Variants in ZDHHC15 observed in about 807,000 individuals in gnomAD.
ZDHHC15 encodes palmitoyltransferase ZDHHC15.
ZDHHC15 carries 19 observed loss-of-function variants against 31.7 expected under a neutral mutation model. The ratio of observed to expected loss-of-function variants is 0.60; its 90% confidence interval spans 0.42 to 0.88. ZDHHC15 has a LOEUF of 0.88. ZDHHC15 is among the 40% of genes least tolerant of loss of function. ZDHHC15 has a pLI of 0.00. For synonymous variants in ZDHHC15, 103 were observed against 90.0 expected (o/e 1.14, Z -0.82); for missense variants, 209 against 251.2 (o/e 0.83, Z 1.14).
At chrX:75,387,074 G>T (rs1346917253) in intron 10 of ZDHHC15, among the ~76,000 whole-genome samples, 5 of 111,383 alleles carry the variant, frequency 4.5e-5, no homozygotes, top group African/African-American at 1.6e-4. Flanking sequence ...TTGTTTACTA[G>T]ATCCTAGGAA....
chrX:75,459,293 TCAAG>T (rs2084275547), intron 3 of ZDHHC15, among the ~76,000 whole-genome samples: 1 of 109,700 alleles, frequency 9.1e-6, no homozygotes, highest in African/African-American at 3.3e-5. Flanking sequence ...ATCTAGGGAG[TCAAG>T]CAGTGTCATT....
Position 75,437,540 on chromosome X carries a change from G to A in ZDHHC15, c.380-6020C>T, listed in dbSNP as rs760322403. On this transcript the variant is annotated intron_variant, in intron 4 of 11. Coordinates refer to ENST00000373367, the MANE Select transcript of ZDHHC15 (RefSeq NM_144969.3). ...CTATGAGTGAGAATATGCGGTGTTTGGTTTTTTGTTCTTGCGATAGTTTAC... is the reference window on the plus strand; with the variant it reads ...CTATGAGTGAGAATATGCGGTGTTTAGTTTTTTGTTCTTGCGATAGTTTAC... 3.9e-3 allele frequency among the ~76,000 whole-genome samples: 370 copies of A among 94,228 alleles called. 2 individuals carry two copies. Among genetic ancestry groups the A allele is most frequent in the African/African-American group, 0.014 (358 of 25,465 alleles). 81.8% of individuals were successfully genotyped at this position (94,228 alleles called of 115,157 possible). A position where few individuals can be genotyped will look rare whatever the true frequency, so the allele number is the denominator to read the frequency against.
intron 8 of ZDHHC15, among the ~76,000 whole-genome samples, chrX:75,423,421 C>T (rs887092490): frequency 9.4e-6 from 1 of 106,609 alleles, no homozygotes; most frequent in African/African-American, 3.4e-5. Flanking sequence ...TCTTTAGCTC[C>T]CACTTATAAG....
At chrX:75,449,723 T>G (rs2084088911) in intron 4 of ZDHHC15, among the ~76,000 whole-genome samples, 1 of 112,331 alleles carries the variant, frequency 8.9e-6, no homozygotes, top group African/African-American at 3.2e-5. Flanking sequence ...AACAAATGAA[T>G]ATGTGTCTGA....
At chrX:75,471,206 C>T (rs1370855025) in intron 3 of ZDHHC15, among the ~76,000 whole-genome samples, 1 of 112,232 alleles carries the variant, frequency 8.9e-6, no homozygotes, top group East Asian at 2.8e-4. Flanking sequence ...AAGCAATTTG[C>T]CTTCAGCTGG....
At chrX:75,436,441 C>T (rs1205479746) in intron 4 of ZDHHC15, among the ~76,000 whole-genome samples, 2 of 111,609 alleles carry the variant, frequency 1.8e-5, no homozygotes, top group Non-Finnish European at 3.8e-5. Flanking sequence ...TCCATTTGTG[C>T]TCTTTCAGAC....
intron 10 of ZDHHC15, among the ~76,000 whole-genome samples, chrX:75,397,624 C>T (rs2083312889): frequency 9.0e-6 from 1 of 111,264 alleles, no homozygotes; most frequent in African/African-American, 3.3e-5. Context: ...AGATGGTCAA[C>T]TAGAAGCAGC....
At chrX:75,462,756 G>T (rs1250661382) in intron 3 of ZDHHC15, among the ~76,000 whole-genome samples, 1 of 111,234 alleles carries the variant, frequency 9.0e-6, no homozygotes, top group African/African-American at 3.3e-5. Flanking sequence ...GAATCTCTGG[G>T]ACACAGCTAA....
At chrX:75,438,914 AG>A (rs778100298) in intron 4 of ZDHHC15, among the ~76,000 whole-genome samples, 39 of 111,641 alleles carry the variant, frequency 3.5e-4, no homozygotes, top group Non-Finnish European at 6.2e-4. Context: ...TCATTTATGA[AG>A]TTTTCTTTCG....
In ZDHHC15 at chrX:75,491,425, A is replaced by G. The variant is rs2084889151; in HGVS notation, c.164-12440T>C. Among the ~76,000 whole-genome samples the G allele has an allele frequency of 3.2e-5, 3 of 94,918 alleles. No homozygotes were observed. The South Asian group carries it at 1.8e-3, about 57-fold the overall frequency. 82.4% of individuals were successfully genotyped at this position (94,918 alleles called of 115,157 possible). A position where few individuals can be genotyped will look rare whatever the true frequency, so the allele number is the denominator to read the frequency against. The stretch of plus-strand genomic sequence containing the variant: ...CTCACTCATAGGTGGGTATTGAACA[A>G]TGAGAACACATGGACAAAGGAAGGG... On this transcript the variant is annotated intron_variant, in intron 2 of 11. Transcript: ENST00000373367.
At chrX:75,460,090 G>A (rs1337925638) in intron 3 of ZDHHC15, among the ~76,000 whole-genome samples, 1 of 112,130 alleles carries the variant, frequency 8.9e-6, no homozygotes, top group Non-Finnish European at 1.9e-5. Context: ...GGTCAGGCTG[G>A]TCTTGAACTC....
chrX:75,372,614 G>T lies in ZDHHC15; in HGVS notation c.*364C>A, dbSNP rs1373260086. The stretch of plus-strand genomic sequence containing the variant: ...TATGTGATTAATAATCTTTGTGGGG[G>T]AATTAAAGACTCTAAGGAAATTTTC... On this transcript the variant is annotated 3_prime_UTR_variant, in exon 12 of 12. Transcript: ENST00000373367. 9.0e-6 allele frequency: 1 copy of T among 110,979 alleles called. No individual in the cohort carries two copies. The highest frequency in any genetic ancestry group is 1.9e-5 in the Non-Finnish European group (1 of 52,942). 9.1% of individuals were successfully genotyped at this position (110,979 alleles called of 1,213,427 possible).
chrX:75,503,897 T>C (rs2085121784), intron 2 of ZDHHC15, among the ~76,000 whole-genome samples: 1 of 111,223 alleles, frequency 9.0e-6, no homozygotes, highest in South Asian at 3.8e-4. Flanking sequence ...TCTTTCTAGT[T>C]TCTGAAGGTT....
intron 10 of ZDHHC15, among the ~76,000 whole-genome samples, chrX:75,416,763 G>C (rs2083553738): frequency 9.0e-6 from 1 of 111,610 alleles, no homozygotes; most frequent in Admixed American, 9.6e-5. Flanking sequence ...GTTGCCCATT[G>C]ATTAAATTGA....
chrX:75,471,043 A>T (rs897964666), intron 3 of ZDHHC15, among the ~76,000 whole-genome samples: 3 of 112,263 alleles, frequency 2.7e-5, no homozygotes, highest in African/African-American at 9.7e-5. Flanking sequence ...ATTACAGTGG[A>T]TTATCGTAAG....
At position 75,372,243 on chromosome X, in the gene ZDHHC15, T is replaced by G. The variant is rs1045239253; in HGVS notation, c.*735A>C. On this transcript the variant is annotated 3_prime_UTR_variant, in exon 12 of 12. Transcript: ENST00000373367. ...TGGTTATTATGTTCAATAAAGTTTATGTCCTGAATTTGATCTTCTTGAGTA... is the reference window on the plus strand; with the variant it reads ...TGGTTATTATGTTCAATAAAGTTTAGGTCCTGAATTTGATCTTCTTGAGTA... 3 of 112,313 alleles carry G rather than the reference T, an allele frequency of 2.7e-5. No homozygotes were observed. In the Admixed American group the frequency reaches 2.8e-4, roughly 11 times the overall value. The allele number at this position is 112,313 out of a possible 1,213,427, so 9.3% of individuals were successfully genotyped here. A position where few individuals can be genotyped will look rare whatever the true frequency, so the allele number is the denominator to read the frequency against.
At chrX:75,430,087 C>G in intron 5 of ZDHHC15, 107 bp from the exon 6 acceptor site, 1 of 839,697 alleles carries the variant, frequency 1.2e-6, no homozygotes, top group Middle Eastern at 3.0e-4. Flanking sequence ...GTTCTAATAA[C>G]ACCCATTCTC....
intron 2 of ZDHHC15, among the ~76,000 whole-genome samples, chrX:75,480,292 C>G (rs1460007054): frequency 9.0e-6 from 1 of 111,336 alleles, no homozygotes; most frequent in East Asian, 2.8e-4. Context: ...GTCCACCCCA[C>G]ACATACATCT....
At chrX:75,493,573 G>A (rs937030138) in intron 2 of ZDHHC15, among the ~76,000 whole-genome samples, 1 of 111,706 alleles carries the variant, frequency 9.0e-6, no homozygotes, top group African/African-American at 3.3e-5. Context: ...ACATCAAAAA[G>A]CTTATCCACC....
Sources: allele counts gnomAD v4.1 joint callset (sites outside exome capture counted in the v4.1 genomes callset), GRCh38; gene constraint gnomAD v4.1.1; transcripts MANE v1.5; gene names NCBI Gene and HGNC (gene_info 2026-07-23, HGNC 2026-07-21).